Variants in WDR27 observed in about 807,000 individuals in gnomAD.
WDR27 encodes the protein WD repeat domain 27, also known as WD repeat-containing protein 27.
Under a neutral mutation model 114.4 loss-of-function variants are expected in WDR27, and 100 were observed. That is an observed-to-expected ratio of 0.87 (90% CI 0.74 to 1.03). WDR27 has a LOEUF of 1.03. Among genes scored for constraint, WDR27 ranks in the 50% least tolerant of loss-of-function variants. The probability of loss-of-function intolerance (pLI) is 0.00; values close to 1 mark genes in which losing one functional copy is unlikely to be tolerated. For synonymous variants in WDR27, 449 were observed against 423.1 expected, an observed-to-expected ratio of 1.06 and a Z score of -0.75; for missense variants, 1,129 against 1,092.9, an observed-to-expected ratio of 1.03 and a Z score of -0.47.
the WDR27 span, among the ~76,000 whole-genome samples, chr6:169,444,449 T>G: frequency 1.3e-5 from 2 of 152,214 alleles, no homozygotes; most frequent in African/African-American, 4.8e-5. Context: ...GATGGGTCTC[T>G]TTGGGATCCT....
At chr6:169,639,824 A>C (rs1562780704) in intron 17 of WDR27, among the ~76,000 whole-genome samples, 2 of 152,082 alleles carry the variant, frequency 1.3e-5, no homozygotes, top group South Asian at 2.1e-4. Flanking sequence ...AGGCATCTTC[A>C]AACAGTCTCT....
At chr6:169,567,165 G>A (rs547415989) in intron 25 of WDR27, among the ~76,000 whole-genome samples, 1 of 152,306 alleles carries the variant, frequency 6.6e-6, no homozygotes, top group South Asian at 2.1e-4. Context: ...TGGGGTGATC[G>A]GTGCTGCTGG....
At chr6:169,513,445 C>T (rs1215202299) in intron 25 of WDR27, among the ~76,000 whole-genome samples, 1 of 152,072 alleles carries the variant, frequency 6.6e-6, no homozygotes, top group African/African-American at 2.4e-5. Context: ...GATTTGCAGC[C>T]ATGTTTCAAA....
chr6:169,581,812 A>G (rs566998975), intron 24 of WDR27, among the ~76,000 whole-genome samples: 1 of 29,088 alleles, frequency 3.4e-5, no homozygotes, highest in Non-Finnish European at 1.4e-4. Context: ...AGCAGAGAAG[A>G]GCGGGTCACA....
At chr6:169,645,700 A>G (rs960430764) in intron 16 of WDR27, among the ~76,000 whole-genome samples, 1 of 143,746 alleles carries the variant, frequency 7.0e-6, no homozygotes, top group African/African-American at 2.5e-5. Context: ...ACAGGGTCAC[A>G]CTGTAGAAAA....
At chr6:169,496,509 T>C (rs779176352) in intron 25 of WDR27, among the ~76,000 whole-genome samples, 17 of 152,170 alleles carry the variant, frequency 1.1e-4, no homozygotes, top group Non-Finnish European at 2.2e-4. Flanking sequence ...AAAGTACAAT[T>C]ATCTTTGTTT....
chr6:169,648,454 C>A (rs530468652), intron 15 of WDR27, among the ~76,000 whole-genome samples: 1 of 152,218 alleles, frequency 6.6e-6, no homozygotes, highest in Admixed American at 6.5e-5. Flanking sequence ...CAGAGCTGAA[C>A]GGAACTCTGA....
intron 25 of WDR27, among the ~76,000 whole-genome samples, chr6:169,488,625 G>A (rs1789271486): frequency 6.6e-6 from 1 of 152,156 alleles, no homozygotes; most frequent in Admixed American, 6.5e-5. Flanking sequence ...TCTGCATTCT[G>A]TTTGTTTTGC....
At chr6:169,637,459 A>G (rs1364127348) in intron 18 of WDR27, among the ~76,000 whole-genome samples, 2 of 152,248 alleles carry the variant, frequency 1.3e-5, no homozygotes, top group Non-Finnish European at 2.9e-5. Context: ...GTATGCATCT[A>G]TCTGCGTGTG....
chr6:169,663,407 G>A (rs1826894888), intron 8 of WDR27, among the ~76,000 whole-genome samples: 1 of 152,138 alleles, frequency 6.6e-6, no homozygotes, highest in African/African-American at 2.4e-5. Flanking sequence ...GAGGAAGAGA[G>A]TGTAGGCTGT....
the WDR27 span, among the ~76,000 whole-genome samples, chr6:169,437,633 T>C: frequency 6.6e-6 from 1 of 152,176 alleles, no homozygotes; most frequent in Non-Finnish European, 1.5e-5. Flanking sequence ...TCTTTCTTCG[T>C]TCCTTAAAAA....
chr6:169,568,138 G>T (rs1466794937), intron 25 of WDR27, among the ~76,000 whole-genome samples: 1 of 151,704 alleles, frequency 6.6e-6, no homozygotes, highest in Non-Finnish European at 1.5e-5. Context: ...GTCCGTGGAA[G>T]CCTGAGTCTG....
intron 25 of WDR27, among the ~76,000 whole-genome samples, chr6:169,505,317 T>C (rs957037426): frequency 1.3e-5 from 2 of 152,166 alleles, no homozygotes; most frequent in African/African-American, 4.8e-5. Context: ...TTCTAATGCA[T>C]CAGTTAACAC....
intron 2 of WDR27, among the ~76,000 whole-genome samples, chr6:169,686,994 T>C (rs1297387885): frequency 1.3e-5 from 2 of 151,886 alleles, no homozygotes; most frequent in Non-Finnish European, 1.5e-5. Flanking sequence ...GGGAAGGGAA[T>C]TGGGGAGAGT....
chr6:169,439,056 T>C, the WDR27 span, among the ~76,000 whole-genome samples: 1 of 152,214 alleles, frequency 6.6e-6, no homozygotes. Context: ...ATTTAAGTAC[T>C]TTTAAGCTTA....
At chr6:169,635,157 G>A (rs1483285906) in intron 19 of WDR27, among the ~76,000 whole-genome samples, 1 of 152,080 alleles carries the variant, frequency 6.6e-6, no homozygotes, top group Non-Finnish European at 1.5e-5. Flanking sequence ...CACGAGGTCA[G>A]GAGTTCGAGA....
intron 24 of WDR27, among the ~76,000 whole-genome samples, chr6:169,577,557 G>A (rs1412132093): frequency 7.2e-5 from 11 of 152,154 alleles, no homozygotes; most frequent in African/African-American, 2.7e-4. Flanking sequence ...AACGGGAGAC[G>A]AACTCGGCCC....
chr6:169,469,997 G>A (rs1395763790), intron 25 of WDR27, among the ~76,000 whole-genome samples: 1 of 152,158 alleles, frequency 6.6e-6, no homozygotes, highest in Non-Finnish European at 1.5e-5. Flanking sequence ...GCAATCAGGA[G>A]GAACCATGCC....
chr6:169,588,567 C>T (rs1292172271), intron 23 of WDR27, among the ~76,000 whole-genome samples: 1 of 152,128 alleles, frequency 6.6e-6, no homozygotes, highest in Non-Finnish European at 1.5e-5. Flanking sequence ...CAAGGGTCAG[C>T]TGAATTTTTA....
Sources: allele counts gnomAD v4.1 joint callset (sites outside exome capture counted in the v4.1 genomes callset), GRCh38; gene constraint gnomAD v4.1.1; transcripts MANE v1.5; gene names NCBI Gene and HGNC (gene_info 2026-07-23, HGNC 2026-07-21).